LIFR: variants seen among roughly 807,000 people sequenced by gnomAD.
LIFR encodes the protein leukemia inhibitory factor receptor.
LIFR carries 84 observed loss-of-function variants against 122.2 expected under a neutral mutation model. The observed-to-expected ratio is 0.69, with a 90% confidence interval of 0.58 to 0.82. The LOEUF (loss-of-function observed/expected upper bound fraction) is 0.82. LIFR is among the 40% of genes least tolerant of loss of function. LIFR has a pLI of 0.00. For missense variants in LIFR, 1,294 were observed against 1,311.6 expected (o/e 0.99, Z 0.21); for synonymous variants, 422 against 434.7 (o/e 0.97, Z 0.36).
At chr5:38,594,364 T>C (rs1048418126) in intron 1 of LIFR, among the ~76,000 whole-genome samples, 2 of 152,128 alleles carry the variant, frequency 1.3e-5, no homozygotes, top group African/African-American at 4.8e-5. Context: ...TAACGGTGCA[T>C]ATATGTCATC....
At chr5:38,588,016 T>C (rs1749804145) in intron 1 of LIFR, among the ~76,000 whole-genome samples, 1 of 152,268 alleles carries the variant, frequency 6.6e-6, no homozygotes, top group Non-Finnish European at 1.5e-5. Context: ...TATCCATTAA[T>C]ACATATCACA....
Position 38,482,002 on chromosome 5 carries a change from C to A in LIFR, c.2887G>T (p.Ala963Ser). ...IIEEEIPNPA[A>S]DEAGGTAQVI... is the part of the protein sequence containing the mutation. ...TGTGCAGTCCCTCCAGCTTCATCTG[C>A]GGCTGGGTTTGGTATTTCTTCCTCA... The change falls in exon 20 of 20, where the codon GCA (alanine) becomes TCA (serine). Residue 963 changes from alanine to serine, a missense_variant. Physicochemically the swap from Ala to Ser is moderately conservative, Grantham distance 99. Coordinates refer to ENST00000453190, the MANE Select transcript of LIFR (RefSeq NM_001127671.2). 1 of 1,614,122 alleles carries A rather than the reference C, an allele frequency of 6.2e-7. No individual in the cohort carries two copies. The highest frequency in any genetic ancestry group is 8.5e-7 in the Non-Finnish European group (1 of 1,180,014).
intron 1 of LIFR, among the ~76,000 whole-genome samples, chr5:38,550,624 A>C (rs1348516630): frequency 6.6e-6 from 1 of 152,234 alleles, no homozygotes; most frequent in Non-Finnish European, 1.5e-5. Flanking sequence ...AGTTCTTAAA[A>C]TTCCTTTAGA....
upstream of LIFR, among the ~76,000 whole-genome samples, chr5:38,599,588 G>A (rs918339089): frequency 1.3e-5 from 2 of 152,144 alleles, no homozygotes; most frequent in African/African-American, 4.8e-5. Context: ...GTGGAAACAC[G>A]GCTGAGTATG....
At chr5:38,552,249 T>C (rs1338808447) in intron 1 of LIFR, among the ~76,000 whole-genome samples, 6 of 152,342 alleles carry the variant, frequency 3.9e-5, no homozygotes, top group East Asian at 3.9e-4. Context: ...ACACTTCTAA[T>C]ATGGAACAGG....
chr5:38,503,831 T>TAC, intron 10 of LIFR, 145 bp downstream of exon 10: 1 of 663,850 alleles, frequency 1.5e-6, no homozygotes, highest in Non-Finnish European at 2.7e-6. Flanking sequence ...ATGCTGTTAT[T>TAC]ACATGGATAG....
At chr5:38,580,383 T>C (rs1391455560) in intron 1 of LIFR, among the ~76,000 whole-genome samples, 3 of 152,100 alleles carry the variant, frequency 2.0e-5, no homozygotes, top group Non-Finnish European at 4.4e-5. Context: ...CATCCTCTCT[T>C]CTCTCCCTGC....
chr5:38,589,466 C>T (rs1481411400), intron 1 of LIFR, among the ~76,000 whole-genome samples: 1 of 152,036 alleles, frequency 6.6e-6, no homozygotes, highest in Non-Finnish European at 1.5e-5. Flanking sequence ...AATAATTCAA[C>T]TTTACAACAG....
intron 17 of LIFR, among the ~76,000 whole-genome samples, chr5:38,485,416 T>C (rs1322439620): frequency 2.0e-5 from 3 of 152,190 alleles, no homozygotes; most frequent in Non-Finnish European, 4.4e-5. Context: ...AGGCCATCAC[T>C]CTTCTCTCAA....
intron 1 of LIFR, among the ~76,000 whole-genome samples, chr5:38,548,645 A>C (rs1277181016): frequency 6.6e-6 from 1 of 152,188 alleles, no homozygotes; most frequent in East Asian, 1.9e-4. Flanking sequence ...ACACCTCTAT[A>C]AAAGGAAAGA....
At chr5:38,513,196 A>C (rs1745892701) in intron 5 of LIFR, among the ~76,000 whole-genome samples, 1 of 152,246 alleles carries the variant, frequency 6.6e-6, no homozygotes, top group Non-Finnish European at 1.5e-5. Flanking sequence ...AAGCAACATC[A>C]CTAAAATCTG....
chr5:38,597,278 T>C (rs1750125157), upstream of LIFR, among the ~76,000 whole-genome samples: 1 of 152,180 alleles, frequency 6.6e-6, no homozygotes, highest in Non-Finnish European at 1.5e-5. Flanking sequence ...GTAAACAGGA[T>C]TAGTTGTAAT....
Position 38,485,838 on chromosome 5 carries a change from A to G in LIFR, c.2478T>C (p.Tyr826=), listed in dbSNP as rs2112376660. The G allele has an allele frequency of 6.2e-7, 1 of 1,614,094 alleles. No homozygotes were observed. ...ACTTACAATTTTCCTTTGTCACCAC[A>G]TACATACTCTTCTCCGGGCCCACTC... ...DGGVGPEKSM[Y]VVTKENSVGL... is the part of the protein sequence containing the mutation. Residue 826 remains tyrosine (Y), a synonymous_variant, in exon 17 of 20, where the codon TAT becomes TAC. Coordinates refer to ENST00000453190, the MANE Select transcript of LIFR (RefSeq NM_001127671.2).
chr5:38,559,476 G>A (rs1748751129), upstream of LIFR, among the ~76,000 whole-genome samples: 1 of 152,120 alleles, frequency 6.6e-6, no homozygotes, highest in South Asian at 2.1e-4. Flanking sequence ...CAAGTCTCAT[G>A]GATTGAGACT....
intron 1 of LIFR, among the ~76,000 whole-genome samples, chr5:38,542,321 G>C (rs1747636011): frequency 6.6e-6 from 1 of 152,180 alleles, no homozygotes; most frequent in African/African-American, 2.4e-5. Context: ...TTTTTATTAT[G>C]TAAGTTTAAT....
chr5:38,541,344 C>G (rs189299622), intron 1 of LIFR, among the ~76,000 whole-genome samples: 235 of 152,302 alleles, frequency 1.5e-3, no homozygotes, highest in African/African-American at 5.3e-3. Context: ...ATCAACAGTA[C>G]TAAGAAAGGA....
At chr5:38,541,260 G>A (rs1747576326) in intron 1 of LIFR, among the ~76,000 whole-genome samples, 1 of 152,138 alleles carries the variant, frequency 6.6e-6, no homozygotes, top group South Asian at 2.1e-4. Context: ...TTCAGAAAGG[G>A]GCATTCTTGT....
At chr5:38,501,071 T>C (rs1399090434) in intron 11 of LIFR, among the ~76,000 whole-genome samples, 1 of 152,112 alleles carries the variant, frequency 6.6e-6, no homozygotes, top group African/African-American at 2.4e-5. Flanking sequence ...CCCACATTCC[T>C]GACTGCAGCC....
rs912634693 is a variant in LIFR, at chr5:38,476,304, G to T, written c.*5291C>A. The T allele has an allele frequency of 4.3e-5, 9 of 207,204 alleles. No individual in the cohort carries two copies. The highest frequency in any genetic ancestry group is 1.8e-4 in the African/African-American group (8 of 43,954). 12.8% of individuals were successfully genotyped at this position (207,204 alleles called of 1,614,324 possible). A position where few individuals can be genotyped will look rare whatever the true frequency, so the allele number is the denominator to read the frequency against. On this transcript the variant is annotated 3_prime_UTR_variant, in exon 20 of 20. Coordinates refer to ENST00000453190, the MANE Select transcript of LIFR (RefSeq NM_001127671.2). ...CTTTTCCACGTTATAAATGAAAATT[G>T]TACTACCACCTAGAGATATTTTGAT... is the stretch of plus-strand genomic sequence containing the variant.
Sources: gnomAD v4.1 joint callset for allele counts (sites outside exome capture counted in the v4.1 genomes callset) on GRCh38, gnomAD v4.1.1 for gene constraint, MANE v1.5 for transcripts, NCBI Gene and HGNC (gene_info 2026-07-23, HGNC 2026-07-21) for gene names.